Variants in PTPRD observed in about 807,000 individuals in gnomAD.
PTPRD encodes receptor-type tyrosine-protein phosphatase delta.
A neutral mutation model predicts 214.5 loss-of-function variants in PTPRD; 34 were observed. The observed-to-expected ratio is 0.16, with a 90% CI of 0.12 to 0.21. The LOEUF is 0.21. PTPRD is among the 10% of genes least tolerant of loss of function. PTPRD has a pLI of 1.00. For missense variants in PTPRD, 2,545 were observed against 2,398.7 expected, an observed-to-expected ratio of 1.06 and a Z score of -1.27; for synonymous variants, 1,128 against 845.7, an observed-to-expected ratio of 1.33 and a Z score of -5.79.
intron 26 of PTPRD, among the ~76,000 whole-genome samples, chr9:8,496,646 A>G (rs1205762110): frequency 6.6e-6 from 1 of 152,222 alleles, no homozygotes. Context: ...TTCTAGTTAG[A>G]GTTAATCAGT....
intron 8 of PTPRD, among the ~76,000 whole-genome samples, chr9:9,516,330 AAAATTATCCAT>A (rs2096837573): frequency 6.6e-6 from 1 of 151,980 alleles, no homozygotes; most frequent in Non-Finnish European, 1.5e-5. Flanking sequence ...GTCTTGTGAG[AAAATTATCCAT>A]AACTCTAAAA....
intron 7 of PTPRD, among the ~76,000 whole-genome samples, chr9:9,628,319 T>A (rs147950820): frequency 4.4e-4 from 67 of 152,274 alleles, no homozygotes; most frequent in African/African-American, 1.5e-3. Flanking sequence ...GCTTATTCCA[T>A]ATCCTACCAG....
chr9:10,145,142 T>G (rs1223847854), intron 3 of PTPRD, among the ~76,000 whole-genome samples: 1 of 152,156 alleles, frequency 6.6e-6, no homozygotes, highest in Non-Finnish European at 1.5e-5. Context: ...GATTACATTT[T>G]AATAACTATT....
intron 2 of PTPRD, among the ~76,000 whole-genome samples, chr9:10,488,550 G>C (rs543806683): frequency 1.5e-4 from 23 of 152,234 alleles, no homozygotes; most frequent in African/African-American, 5.3e-4. Flanking sequence ...AGGATGGCAA[G>C]TTCCCCTAGG....
chr9:9,224,027 G>A (rs146908734), intron 9 of PTPRD, among the ~76,000 whole-genome samples: 4 of 152,106 alleles, frequency 2.6e-5, no homozygotes, highest in African/African-American at 9.6e-5. Context: ...ACTTTCATCT[G>A]ATTAGAAGAT....
chr9:10,171,583 G>A (rs1316016758), intron 3 of PTPRD, among the ~76,000 whole-genome samples: 1 of 152,052 alleles, frequency 6.6e-6, no homozygotes, highest in Non-Finnish European at 1.5e-5. Flanking sequence ...GGAGTGCAGC[G>A]GCGCAATCTC....
chr9:8,595,824 T>A (rs1156919775), intron 14 of PTPRD, among the ~76,000 whole-genome samples: 1 of 152,206 alleles, frequency 6.6e-6, no homozygotes, highest in East Asian at 1.9e-4. Flanking sequence ...TCCATGTGTG[T>A]TGACTTTTAA....
intron 11 of PTPRD, among the ~76,000 whole-genome samples, chr9:8,971,350 A>G (rs892268521): frequency 2.0e-5 from 3 of 151,826 alleles, no homozygotes; most frequent in African/African-American, 7.2e-5. Context: ...AAAACCCCAA[A>G]ACCTTCCTGC....
intron 9 of PTPRD, among the ~76,000 whole-genome samples, chr9:9,266,739 T>TA (rs1380942601): frequency 6.6e-6 from 1 of 151,080 alleles, no homozygotes; most frequent in Non-Finnish European, 1.5e-5. Flanking sequence ...AAAAGGAATT[T>TA]AAAAAATATT....
At chr9:9,000,542 G>T (rs372681719) in intron 11 of PTPRD, among the ~76,000 whole-genome samples, 4 of 151,950 alleles carry the variant, frequency 2.6e-5, no homozygotes, top group African/African-American at 9.7e-5. Context: ...CTAAGGATCT[G>T]CATCACTAAC....
chr9:9,760,897 C>A (rs1230702907), intron 6 of PTPRD, among the ~76,000 whole-genome samples: 1 of 152,150 alleles, frequency 6.6e-6, no homozygotes, highest in Non-Finnish European at 1.5e-5. Context: ...ACGATCAACA[C>A]CACCAAATGC....
At chr9:9,116,829 T>C (rs991024712) in intron 10 of PTPRD, among the ~76,000 whole-genome samples, 2 of 152,166 alleles carry the variant, frequency 1.3e-5, no homozygotes, top group African/African-American at 4.8e-5. Flanking sequence ...GTGCTTTTCA[T>C]TCCTAGTGCT....
intron 3 of PTPRD, among the ~76,000 whole-genome samples, chr9:10,264,900 G>A (rs1000080408): frequency 5.9e-5 from 9 of 152,116 alleles, no homozygotes; most frequent in Admixed American, 4.6e-4. Context: ...CCCCCATACT[G>A]TTCTCATGGT....
intron 3 of PTPRD, among the ~76,000 whole-genome samples, chr9:10,066,624 T>C (rs978807969): frequency 4.0e-5 from 6 of 151,898 alleles, no homozygotes; most frequent in Admixed American, 3.3e-4. Context: ...CTCCATGACA[T>C]TGGCATGCAC....
At chr9:10,139,923 A>G (rs2098971299) in intron 3 of PTPRD, among the ~76,000 whole-genome samples, 2 of 152,140 alleles carry the variant, frequency 1.3e-5, no homozygotes. Flanking sequence ...AAAGAACTAT[A>G]AATACAAAAT....
At chr9:9,472,954 TTTA>T (rs1400857405) in intron 8 of PTPRD, among the ~76,000 whole-genome samples, 1 of 152,162 alleles carries the variant, frequency 6.6e-6, no homozygotes, top group Non-Finnish European at 1.5e-5. Context: ...ACCTCATATA[TTTA>T]TTATTTCTTT....
intron 4 of PTPRD, among the ~76,000 whole-genome samples, chr9:10,025,680 C>A (rs2096910111): frequency 1.3e-5 from 2 of 152,224 alleles, no homozygotes; most frequent in East Asian, 1.9e-4. Context: ...ACCTTTAAAT[C>A]CCTCACCCAC....
chr9:9,189,318 G>C (rs375799538), intron 9 of PTPRD, among the ~76,000 whole-genome samples: 1 of 152,112 alleles, frequency 6.6e-6, no homozygotes, highest in African/African-American at 2.4e-5. Flanking sequence ...GAGGTGCACA[G>C]TTGCTCAGTG....
At chr9:9,829,985 T>C (rs919671647) in intron 5 of PTPRD, among the ~76,000 whole-genome samples, 8 of 151,834 alleles carry the variant, frequency 5.3e-5, no homozygotes, top group African/African-American at 1.7e-4. Context: ...CATGCTTATC[T>C]GTTAAAGTAT....
Sources: allele counts gnomAD v4.1 joint callset (sites outside exome capture counted in the v4.1 genomes callset), GRCh38; gene constraint gnomAD v4.1.1; transcripts MANE v1.5; gene names NCBI Gene and HGNC (gene_info 2026-07-23, HGNC 2026-07-21).